CEMIP2: variants seen among roughly 807,000 people sequenced by gnomAD.
The protein encoded by CEMIP2 is cell surface hyaluronidase CEMIP2.
A neutral mutation model predicts 146.9 loss-of-function variants in CEMIP2; 79 were observed. The ratio of observed to expected loss-of-function variants is 0.54; its 90% confidence interval spans 0.45 to 0.65. The LOEUF (loss-of-function observed/expected upper bound fraction) is 0.65, where lower values mean the gene tolerates loss of function less well. Among genes scored for constraint, CEMIP2 ranks in the 30% least tolerant of loss-of-function variants. The probability of loss-of-function intolerance (pLI) is 0.00; values close to 1 mark genes in which losing one functional copy is unlikely to be tolerated. For missense variants in CEMIP2, 1,596 were observed against 1,696.2 expected (o/e 0.94, Z 1.04); for synonymous variants, 601 against 606.3 (o/e 0.99, Z 0.13).
chr9:71,710,701 A>C (rs1822880462), intron 16 of CEMIP2, among the ~76,000 whole-genome samples: 1 of 152,194 alleles, frequency 6.6e-6, no homozygotes, highest in Non-Finnish European at 1.5e-5. Context: ...ATAGAGAACT[A>C]CGGGGAGGTC....
chr9:71,730,385 T>G (rs1161088406), intron 8 of CEMIP2, 132 bp from the exon 9 acceptor site: 1 of 877,540 alleles, frequency 1.1e-6, no homozygotes, highest in East Asian at 2.7e-5. Flanking sequence ...ATGGGCAAAG[T>G]GAAATGTCAG....
At chr9:71,755,833 G>A (rs1319385061) in intron 1 of CEMIP2, among the ~76,000 whole-genome samples, 1 of 151,570 alleles carries the variant, frequency 6.6e-6, no homozygotes, top group Non-Finnish European at 1.5e-5. Flanking sequence ...ATGGTGGCAT[G>A]TGCCTTTAGT....
At chr9:71,762,375 C>A (rs1824659251) in intron 1 of CEMIP2, among the ~76,000 whole-genome samples, 1 of 151,958 alleles carries the variant, frequency 6.6e-6, no homozygotes, top group African/African-American at 2.4e-5. Flanking sequence ...TAGTCCCATC[C>A]ACTTAGAGGC....
chr9:71,702,421 C>G (rs1822596132), intron 18 of CEMIP2, among the ~76,000 whole-genome samples: 1 of 150,430 alleles, frequency 6.6e-6, no homozygotes, highest in Non-Finnish European at 1.5e-5. Flanking sequence ...GAGAAACAAC[C>G]TAAATGTTCA....
chr9:71,734,508 C>T (rs1438923685), intron 6 of CEMIP2, among the ~76,000 whole-genome samples: 1 of 152,152 alleles, frequency 6.6e-6, no homozygotes, highest in Non-Finnish European at 1.5e-5. Context: ...TAACCCAGAA[C>T]TTAAAATAAT....
chr9:71,757,326 G>T (rs1564028424), intron 1 of CEMIP2, among the ~76,000 whole-genome samples: 2 of 152,180 alleles, frequency 1.3e-5, no homozygotes. Flanking sequence ...GAAGAGCCAA[G>T]AAGTTGGCAC....
chr9:71,717,492 A>T (rs139792092), intron 13 of CEMIP2, among the ~76,000 whole-genome samples: 34 of 152,340 alleles, frequency 2.2e-4, no homozygotes, highest in African/African-American at 7.9e-4. Context: ...ATGGGAAAAA[A>T]AGTGAGATAC....
intron 1 of CEMIP2, among the ~76,000 whole-genome samples, chr9:71,766,873 GA>G (rs1564032595): frequency 6.6e-6 from 1 of 152,194 alleles, no homozygotes; most frequent in Non-Finnish European, 1.5e-5. Context: ...CAGAAAGCCA[GA>G]AGACAGATTT....
intron 6 of CEMIP2, among the ~76,000 whole-genome samples, chr9:71,734,194 A>G (rs1823699195): frequency 6.7e-6 from 1 of 150,016 alleles, no homozygotes; most frequent in African/African-American, 2.5e-5. Context: ...CATTTTAAAT[A>G]TCAATGAGTT....
Position 71,732,345 on chromosome 9 carries a change from G to A in CEMIP2, c.1563+6C>T, listed in dbSNP as rs1432313276. ...TTCAAAGAAATAATCAAATCCTTTTGCCTACCATAATGTGTCCCCCAAAGG... is the reference window on the plus strand; with the variant it reads ...TTCAAAGAAATAATCAAATCCTTTTACCTACCATAATGTGTCCCCCAAAGG... On this transcript the variant is annotated splice_donor_region_variant and intron_variant, in intron 7 of 23. Coordinates refer to ENST00000377044, the MANE Select transcript of CEMIP2 (RefSeq NM_013390.3). 6.3e-7 allele frequency: 1 copy of A among 1,586,128 alleles called. No individual in the cohort carries two copies. The highest frequency in any genetic ancestry group is 1.7e-4 in the Middle Eastern group (1 of 5,922).
chr9:71,756,191 C>CTAGATAGATAGATAGA (rs144371815), intron 1 of CEMIP2, among the ~76,000 whole-genome samples: 1,919 of 128,484 alleles, frequency 0.015, 44 homozygotes, highest in South Asian at 0.033. Flanking sequence ...AGCAAAAATG[C>CTAGATAGATAGATAGA]TAGATAGATA....
chr9:71,718,278 T>G (rs1030554090), intron 12 of CEMIP2, among the ~76,000 whole-genome samples, 199 bp from the exon 13 acceptor site: 1 of 152,212 alleles, frequency 6.6e-6, no homozygotes, highest in African/African-American at 2.4e-5. Flanking sequence ...GAGAACCAAC[T>G]GCTTTTACAT....
At chr9:71,709,633 T>G (rs1822849795) in intron 16 of CEMIP2, among the ~76,000 whole-genome samples, 159 bp from the exon 17 acceptor site, 1 of 152,234 alleles carries the variant, frequency 6.6e-6, no homozygotes, top group Non-Finnish European at 1.5e-5. Flanking sequence ...CAAGTCAGCC[T>G]GAGTTTTCTA....
In CEMIP2 at chr9:71,731,024, G is replaced by A. The variant is rs2274696; in HGVS notation, c.1564-110C>T. ...AAGGAGAATACTTATTAAAACATTC[G>A]ATTTTCTTTTGCATCCTGTTTTCCC... On this transcript the variant is annotated intron_variant, in intron 7 of 23. Transcript: ENST00000377044. 4,886 of 860,086 alleles carry A rather than the reference G, an allele frequency of 5.7e-3. 274 individuals are homozygous for A. In the East Asian group the frequency reaches 0.12, roughly 21 times the overall value. The allele number at this position is 860,086 out of a possible 1,614,324, so 53.3% of individuals were successfully genotyped here.
At chr9:71,762,988 T>C (rs1375650936) in intron 1 of CEMIP2, among the ~76,000 whole-genome samples, 1 of 152,016 alleles carries the variant, frequency 6.6e-6, no homozygotes, top group Non-Finnish European at 1.5e-5. Context: ...CACTCCATCC[T>C]GGGTGACAGA....
chr9:71,715,234 CTGCTTTT>C, intron 14 of CEMIP2, 145 bp from the exon 15 acceptor site: 3 of 428,886 alleles, frequency 7.0e-6, no homozygotes, highest in East Asian at 5.3e-5. Flanking sequence ...TCTTCAGAAA[CTGCTTTT>C]TTTTTTTTTT....
At chr9:71,731,406 TAAC>T (rs1381782220) in intron 7 of CEMIP2, among the ~76,000 whole-genome samples, 4 of 152,210 alleles carry the variant, frequency 2.6e-5, no homozygotes, top group Admixed American at 1.3e-4. Context: ...ATCGTATTAC[TAAC>T]AACAAGGGAA....
intron 18 of CEMIP2, among the ~76,000 whole-genome samples, chr9:71,704,247 T>C (rs1327584852): frequency 6.6e-6 from 1 of 152,146 alleles, no homozygotes; most frequent in African/African-American, 2.4e-5. Context: ...CTCAAAAATC[T>C]TTTAATTTTT....
At position 71,709,380 on chromosome 9, in the gene CEMIP2, C is replaced by A. The variant is rs752089036; in HGVS notation, c.2864G>T (p.Gly955Val). 5.0e-6 allele frequency: 8 copies of A among 1,614,002 alleles called. No individual in the cohort carries two copies. Among genetic ancestry groups the A allele is most frequent in the Non-Finnish European group, 5.9e-6 (7 of 1,180,004 alleles). The change falls in exon 17 of 24, where the codon GGC becomes GTC. Residue 955 changes from glycine (G) to valine (V), a missense_variant. Gly to Val is a moderately radical substitution (Grantham distance 109). Transcript: ENST00000377044. ...AGCATCCTTGTATCCTGTCACAGAG[C>A]CATCAATGTCATGGAATATGGAGTT... ...DKNSIFHDID[G>V]SVTGYKDAYV...
Sources: gnomAD v4.1 joint callset for allele counts (sites outside exome capture counted in the v4.1 genomes callset) on GRCh38, gnomAD v4.1.1 for gene constraint, MANE v1.5 for transcripts, NCBI Gene and HGNC (gene_info 2026-07-23, HGNC 2026-07-21) for gene names.